The following DPP6 variants were observed in gnomAD, a reference collection of about 807,000 sequenced individuals.
DPP6 encodes the protein A-type potassium channel modulatory protein DPP6.
Under a neutral mutation model 122.6 loss-of-function variants are expected in DPP6, and 69 were observed. The ratio of observed to expected loss-of-function variants is 0.56; its 90% CI spans 0.46 to 0.69. DPP6 has a LOEUF of 0.69. DPP6 is among the 30% of genes least tolerant of loss of function. DPP6 has a pLI of 0.00. For synonymous variants in DPP6, 418 were observed against 433.1 expected, an observed-to-expected ratio of 0.97 and a Z score of 0.43; for missense variants, 928 against 1,116.9, an observed-to-expected ratio of 0.83 and a Z score of 2.41.
At chr7:153,991,571 T>G (rs1048420038) in intron 1 of DPP6, among the ~76,000 whole-genome samples, 1 of 152,240 alleles carries the variant, frequency 6.6e-6, no homozygotes, top group African/African-American at 2.4e-5. Flanking sequence ...GTTACACTCA[T>G]GTGCATTTGC....
intron 5 of DPP6, among the ~76,000 whole-genome samples, chr7:154,596,447 A>G (rs922816329): frequency 6.6e-6 from 1 of 152,234 alleles, no homozygotes; most frequent in Non-Finnish European, 1.5e-5. Flanking sequence ...TAAAGACATT[A>G]GAGCACAATT....
At chr7:154,678,411 G>A (rs1024635385) in intron 7 of DPP6, among the ~76,000 whole-genome samples, 5 of 151,892 alleles carry the variant, frequency 3.3e-5, no homozygotes, top group Admixed American at 2.6e-4. Flanking sequence ...CAAACCCACA[G>A]GGAAGAACAA....
chr7:154,643,537 C>T (rs962430492), intron 6 of DPP6, among the ~76,000 whole-genome samples: 3 of 145,786 alleles, frequency 2.1e-5, no homozygotes, highest in Non-Finnish European at 4.5e-5. Context: ...GATACGATCT[C>T]AGCTCACTGC....
chr7:153,857,322 T>TCTCTCTCTCTCTCTCTCTCTCTCTC, the DPP6 span, among the ~76,000 whole-genome samples: 4 of 124,478 alleles, frequency 3.2e-5, 1 homozygote, highest in East Asian at 4.5e-4. Context: ...CTCAAAGGTT[T>TCTCTCTCTCTCTCTCTCTCTCTCTC]TCTCTCTCTC....
intron 5 of DPP6, among the ~76,000 whole-genome samples, chr7:154,609,945 C>T (rs2130802017): frequency 6.6e-6 from 1 of 152,314 alleles, no homozygotes; most frequent in Admixed American, 6.5e-5. Flanking sequence ...AACAAAAGCA[C>T]CTGCCTTGAC....
At chr7:154,418,483 C>T (rs184005112) in intron 1 of DPP6, among the ~76,000 whole-genome samples, 11 of 151,850 alleles carry the variant, frequency 7.2e-5, no homozygotes, top group Middle Eastern at 3.2e-3. Context: ...TTAGATTGTG[C>T]GAAAGGAAAG....
At chr7:154,690,124 T>G (rs1036239482) in intron 7 of DPP6, among the ~76,000 whole-genome samples, 1 of 152,214 alleles carries the variant, frequency 6.6e-6, no homozygotes, top group Non-Finnish European at 1.5e-5. Context: ...TGGATAGTCA[T>G]CCAGGTGGTC....
chr7:154,263,857 A>C (rs987298614), intron 1 of DPP6, among the ~76,000 whole-genome samples: 1 of 151,966 alleles, frequency 6.6e-6, no homozygotes, highest in Non-Finnish European at 1.5e-5. Context: ...CACACGGCTA[A>C]TTTTTGTATT....
intron 3 of DPP6, among the ~76,000 whole-genome samples, chr7:154,492,588 G>T (rs1229820956): frequency 6.6e-6 from 1 of 152,118 alleles, no homozygotes; most frequent in Non-Finnish European, 1.5e-5. Flanking sequence ...CGGGTGTTAT[G>T]AGTACATCAG....
chr7:154,629,740 C>T (rs1835294879), intron 5 of DPP6, among the ~76,000 whole-genome samples: 1 of 152,192 alleles, frequency 6.6e-6, no homozygotes, highest in South Asian at 2.1e-4. Context: ...AGCCCCTGCT[C>T]ATATGCTATC....
the DPP6 span, among the ~76,000 whole-genome samples, chr7:153,859,259 G>A: frequency 1.3e-5 from 2 of 152,094 alleles, no homozygotes; most frequent in Non-Finnish European, 2.9e-5. Context: ...TGCAGAAGAG[G>A]CACACTCATT....
At chr7:154,444,420 G>A (rs978909401) in intron 1 of DPP6, among the ~76,000 whole-genome samples, 5 of 151,994 alleles carry the variant, frequency 3.3e-5, no homozygotes, top group East Asian at 1.9e-4. Context: ...AGCCGAGATC[G>A]CACCACTGTA....
intron 5 of DPP6, chr7:154,587,780 C>A (rs767000931): frequency 6.2e-7 from 1 of 1,609,272 alleles, no homozygotes; most frequent in South Asian, 1.1e-5. Context: ...ATGTCTCTTC[C>A]TCTTCACTGC....
chr7:154,793,401 G>T (rs959178616), intron 10 of DPP6, among the ~76,000 whole-genome samples: 1 of 152,128 alleles, frequency 6.6e-6, no homozygotes, highest in Non-Finnish European at 1.5e-5. Context: ...AGAAGCCCCG[G>T]TACCCCTCGG....
At chr7:154,398,848 C>T (rs1180978118) in intron 1 of DPP6, among the ~76,000 whole-genome samples, 2 of 152,170 alleles carry the variant, frequency 1.3e-5, no homozygotes, top group Non-Finnish European at 2.9e-5. Context: ...AAGCAAGACT[C>T]AGGCACACTG....
chr7:154,103,265 G>A lies in DPP6; in HGVS notation c.243+50202G>A, dbSNP rs544276138. The stretch of plus-strand genomic sequence containing the variant: ...TCCTAAAACCATCTGCTCATTGCAG[G>A]AAGCGACTCCATTCCGTCAGCCATA... On this transcript the variant is annotated intron_variant, in intron 1 of 25. Transcript: ENST00000377770. 5.9e-5 allele frequency among the ~76,000 whole-genome samples: 9 copies of A among 152,094 alleles called. No homozygotes were observed. In the South Asian group the frequency reaches 1.9e-3, roughly 32 times the overall value.
At chr7:154,725,074 C>T (rs1021246313) in intron 7 of DPP6, among the ~76,000 whole-genome samples, 4 of 152,136 alleles carry the variant, frequency 2.6e-5, no homozygotes, top group Admixed American at 2.6e-4. Flanking sequence ...TGCTTAGAGT[C>T]TGGCCTTTTT....
At chr7:154,682,241 T>G (rs1190464533) in intron 7 of DPP6, among the ~76,000 whole-genome samples, 4 of 152,252 alleles carry the variant, frequency 2.6e-5, no homozygotes, top group African/African-American at 9.6e-5. Context: ...TTAAAATGTT[T>G]GTTATGCTGT....
chr7:154,444,701 C>T (rs1226763105), intron 1 of DPP6, among the ~76,000 whole-genome samples: 2 of 152,154 alleles, frequency 1.3e-5, no homozygotes, highest in Admixed American at 6.5e-5. Flanking sequence ...TAGTCACAGA[C>T]TTGATGAAAA....
Sources: allele counts gnomAD v4.1 joint callset (sites outside exome capture counted in the v4.1 genomes callset), GRCh38; gene constraint gnomAD v4.1.1; transcripts MANE v1.5; gene names NCBI Gene and HGNC (gene_info 2026-07-23, HGNC 2026-07-21).